The following GRID2 variants were observed in gnomAD, a reference collection of about 807,000 sequenced individuals.
GRID2 encodes the protein glutamate receptor ionotropic, delta-2.
GRID2 carries 33 observed loss-of-function variants against 114.8 expected under a neutral mutation model. The ratio of observed to expected loss-of-function variants is 0.29; its 90% CI spans 0.22 to 0.38. GRID2 has a LOEUF of 0.38. Among genes scored for constraint, GRID2 ranks in the 10% least tolerant of loss-of-function variants. The pLI is 1.00. For missense variants in GRID2, 1,184 were observed against 1,257.7 expected (o/e 0.94, Z 0.89); for synonymous variants, 505 against 449.9 (o/e 1.12, Z -1.55).
At chr4:93,132,527 T>C (rs962357468) in intron 4 of GRID2, among the ~76,000 whole-genome samples, 5 of 152,190 alleles carry the variant, frequency 3.3e-5, no homozygotes, top group African/African-American at 1.2e-4. Context: ...TCAGCATGGA[T>C]GCTAATTTCC....
chr4:93,166,652 GAAGCCTCA>G (rs1738278376), intron 4 of GRID2, among the ~76,000 whole-genome samples: 1 of 152,150 alleles, frequency 6.6e-6, no homozygotes, highest in Non-Finnish European at 1.5e-5. Flanking sequence ...AGGAATCCCA[GAAGCCTCA>G]TGTAGGGATA....
At chr4:92,931,733 A>T (rs1311232793) in intron 2 of GRID2, among the ~76,000 whole-genome samples, 1 of 150,986 alleles carries the variant, frequency 6.6e-6, no homozygotes, top group Non-Finnish European at 1.5e-5. Flanking sequence ...ATTTTTTATA[A>T]TGCTACTGCT....
intron 14 of GRID2, among the ~76,000 whole-genome samples, chr4:93,682,070 A>C (rs1578558195): frequency 6.6e-6 from 1 of 151,810 alleles, no homozygotes; most frequent in Admixed American, 6.6e-5. Context: ...CAATGAACTC[A>C]AACAAATTTA....
At chr4:92,821,452 TA>T (rs1363337295) in intron 2 of GRID2, among the ~76,000 whole-genome samples, 1 of 152,068 alleles carries the variant, frequency 6.6e-6, no homozygotes, top group Non-Finnish European at 1.5e-5. Flanking sequence ...AGTATTTTTG[TA>T]GCTGTTTGTT....
chr4:92,417,190 T>C (rs1048971107), intron 1 of GRID2, among the ~76,000 whole-genome samples: 1 of 152,056 alleles, frequency 6.6e-6, no homozygotes, highest in African/African-American at 2.4e-5. Context: ...TTTTTGAAAA[T>C]GGGAAAATAA....
At chr4:93,120,282 T>A (rs9997546) in intron 4 of GRID2, among the ~76,000 whole-genome samples, 12 of 151,936 alleles carry the variant, frequency 7.9e-5, no homozygotes, top group Non-Finnish European at 1.6e-4. Context: ...CCTACTATAA[T>A]GACACATGCA....
At chr4:93,443,387 T>C (rs576953491) in intron 10 of GRID2, among the ~76,000 whole-genome samples, 1 of 151,264 alleles carries the variant, frequency 6.6e-6, no homozygotes, top group South Asian at 2.1e-4. Context: ...CTCAGAAAAA[T>C]AAGAGTAAGA....
chr4:93,566,581 G>A (rs928476623), intron 13 of GRID2, among the ~76,000 whole-genome samples: 3 of 151,944 alleles, frequency 2.0e-5, no homozygotes, highest in African/African-American at 4.8e-5. Context: ...ACCAGCCTGG[G>A]CAAAATGGCA....
At chr4:92,702,502 A>C (rs554756985) in intron 2 of GRID2, 1 of 152,176 alleles carries the variant, frequency 6.6e-6, no homozygotes, top group East Asian at 1.9e-4. Flanking sequence ...GATGCAATAA[A>C]ACTTTTCACT....
At chr4:93,183,719 C>A (rs1392623358) in intron 4 of GRID2, among the ~76,000 whole-genome samples, 1 of 152,134 alleles carries the variant, frequency 6.6e-6, no homozygotes, top group Admixed American at 6.5e-5. Flanking sequence ...CCATCATGTG[C>A]CAGGCACTGA....
intron 1 of GRID2, among the ~76,000 whole-genome samples, chr4:92,459,843 TCATCC>T (rs1721392680): frequency 6.6e-6 from 1 of 150,918 alleles, no homozygotes; most frequent in Admixed American, 6.6e-5. Flanking sequence ...TGGGTGAGTC[TCATCC>T]AGTCAGTTGG....
rs70942930 is a variant in GRID2, at chr4:92,779,186, A to ATGTGTGTGTG, written c.244+188914_244+188923dup. 4.6e-3 allele frequency among the ~76,000 whole-genome samples: 674 copies of ATGTGTGTGTG among 147,312 alleles called. 3 individuals are homozygous for ATGTGTGTGTG. The highest frequency in any genetic ancestry group is 0.01 in the Middle Eastern group (3 of 288). ...ACTATAATTTTTAAGTAGTAAGTAAATGTGTGTGTGTGTGTGTGTGTGTAT... is the reference window on the plus strand; with the variant it reads ...ACTATAATTTTTAAGTAGTAAGTAAATGTGTGTGTGTGTGTGTGTGTGTGTGTGTGTGTAT... On this transcript the variant is annotated intron_variant, in intron 2 of 15. Coordinates refer to ENST00000282020, the MANE Select transcript of GRID2 (RefSeq NM_001510.4).
chr4:92,963,681 G>A (rs1295963136), intron 2 of GRID2, among the ~76,000 whole-genome samples: 8 of 151,942 alleles, frequency 5.3e-5, no homozygotes, highest in Non-Finnish European at 4.4e-5. Context: ...TTCTGCTCAT[G>A]TTGATTATGT....
intron 4 of GRID2, among the ~76,000 whole-genome samples, chr4:93,146,951 T>C (rs1736321975): frequency 6.6e-6 from 1 of 152,188 alleles, no homozygotes; most frequent in South Asian, 2.1e-4. Flanking sequence ...TTACATAATT[T>C]TCTAAACTGA....
intron 4 of GRID2, among the ~76,000 whole-genome samples, chr4:93,115,416 C>T (rs1388951042): frequency 6.6e-6 from 1 of 151,798 alleles, no homozygotes; most frequent in Non-Finnish European, 1.5e-5. Context: ...CACACACACA[C>T]ACACACATTT....
chr4:93,450,799 CATATA>C (rs1053643679), intron 10 of GRID2, among the ~76,000 whole-genome samples: 10 of 151,772 alleles, frequency 6.6e-5, no homozygotes, highest in African/African-American at 2.2e-4. Flanking sequence ...AAATATTTGA[CATATA>C]ATATTTTGTA....
chr4:92,797,656 T>A lies in GRID2; in HGVS notation c.244+207370T>A, dbSNP rs114907855. ...TGAATGATGAAAAAAAGTATCTTTATATTTTATGCATTTATGACATATCTA... is the reference window on the plus strand; with the variant it reads ...TGAATGATGAAAAAAAGTATCTTTAAATTTTATGCATTTATGACATATCTA... On this transcript the variant is annotated intron_variant, in intron 2 of 15. Transcript: ENST00000282020. Among the ~76,000 whole-genome samples the A allele has an allele frequency of 4.9e-3, 746 of 152,158 alleles. 2 individuals carry two copies. Among genetic ancestry groups the A allele is most frequent in the African/African-American group, 0.017 (717 of 41,564 alleles).
chr4:92,338,733 T>G (rs369390328), intron 1 of GRID2, among the ~76,000 whole-genome samples: 1 of 152,116 alleles, frequency 6.6e-6, no homozygotes, highest in Non-Finnish European at 1.5e-5. Context: ...GGAAATGACA[T>G]GCAAAATAGT....
At chr4:93,790,550 A>ATT (rs5860348) in intron 1 of GRID2, among the ~76,000 whole-genome samples, 2,231 of 147,934 alleles carry the variant, frequency 0.015, 36 homozygotes, top group African/African-American at 0.041. Context: ...TTTAACTATA[A>ATT]TTTTTTTTTT....
Sources: allele counts gnomAD v4.1 joint callset (sites outside exome capture counted in the v4.1 genomes callset), GRCh38; gene constraint gnomAD v4.1.1; transcripts MANE v1.5; gene names NCBI Gene and HGNC (gene_info 2026-07-23, HGNC 2026-07-21).